The following DNAH14 variants were observed in gnomAD, a reference collection of about 807,000 sequenced individuals.
DNAH14 encodes the protein axonemal beta dynein heavy chain 14.
In DNAH14, 478 loss-of-function variants were observed where a neutral mutation model predicts 520.9. The observed-to-expected ratio is 0.92, with a 90% CI of 0.85 to 0.99. DNAH14 has a LOEUF of 0.99. Among genes scored for constraint, DNAH14 ranks in the 50% least tolerant of loss-of-function variants. The pLI is 0.00. For missense variants in DNAH14, 4,831 were observed against 5,234.5 expected, an observed-to-expected ratio of 0.92 and a Z score of 2.38; for synonymous variants, 1,581 against 1,757.2, an observed-to-expected ratio of 0.90 and a Z score of 2.51.
Position 225,155,179 on chromosome 1 carries a change from G to A in DNAH14, c.5273+1353G>A, listed in dbSNP as rs368946845. On this transcript the variant is annotated intron_variant, in intron 34 of 85. Coordinates refer to ENST00000682510, the MANE Select transcript of DNAH14 (RefSeq NM_001367479.1). ...AGACATGCTTTTTCCTTTCTGGGTA[G>A]AAAGGAACAAGATATACCTTTTCAT... is the stretch of plus-strand genomic sequence containing the variant. Among the ~76,000 whole-genome samples the A allele has an allele frequency of 1.1e-3, 167 of 152,124 alleles. No individual in the cohort carries two copies. In the Middle Eastern group the frequency reaches 0.024, roughly 22 times the overall value.
In DNAH14 at chr1:225,176,283, C is replaced by T. The variant is rs555676893; in HGVS notation, c.5535+8255C>T. Among the ~76,000 whole-genome samples the T allele has an allele frequency of 3.2e-3, 484 of 152,072 alleles. 3 individuals carry two copies. The highest frequency in any genetic ancestry group is 0.011 in the African/African-American group (441 of 41,482). ...TCCAAAGTTCCTTCTGTTACTGATACTTAGTTTTATTTCATTGTTCTCAGA... is the reference window on the plus strand; with the variant it reads ...TCCAAAGTTCCTTCTGTTACTGATATTTAGTTTTATTTCATTGTTCTCAGA... On this transcript the variant is annotated intron_variant, in intron 36 of 85. Transcript: ENST00000682510.
chr1:225,371,876 T>C (rs917950275), intron 77 of DNAH14, among the ~76,000 whole-genome samples: 2 of 152,282 alleles, frequency 1.3e-5, no homozygotes, highest in East Asian at 3.9e-4. Context: ...AAATAAAGAA[T>C]AGCATAAATT....
chr1:225,108,098 G>C (rs1558983868), intron 23 of DNAH14, among the ~76,000 whole-genome samples: 1 of 152,176 alleles, frequency 6.6e-6, no homozygotes, highest in African/African-American at 2.4e-5. Context: ...AGTGCTGCTA[G>C]GATAAAAACT....
At chr1:225,064,218 A>G (rs995113786) in intron 17 of DNAH14, among the ~76,000 whole-genome samples, 7 of 152,078 alleles carry the variant, frequency 4.6e-5, no homozygotes, top group Non-Finnish European at 7.4e-5. Context: ...TAAAACTCCA[A>G]TGACAATTCA....
chr1:225,358,248 A>G (rs1208544285), intron 73 of DNAH14, among the ~76,000 whole-genome samples: 2 of 152,166 alleles, frequency 1.3e-5, no homozygotes, highest in African/African-American at 2.4e-5. Flanking sequence ...GCAAGAGCTC[A>G]CTCAGAGTGT....
chr1:225,073,841 C>T (rs942292415), intron 17 of DNAH14, among the ~76,000 whole-genome samples: 4 of 151,098 alleles, frequency 2.6e-5, no homozygotes, highest in Admixed American at 2.0e-4. Context: ...TGCCACCATG[C>T]CCAACTGATT....
At chr1:225,312,421 T>C (rs1159866660) in intron 60 of DNAH14, among the ~76,000 whole-genome samples, 2 of 152,174 alleles carry the variant, frequency 1.3e-5, no homozygotes, top group Non-Finnish European at 2.9e-5. Context: ...CTCTTCCTAT[T>C]TGAATACAAT....
Position 225,147,088 on chromosome 1 carries a change from T to C in DNAH14, c.4795-16T>C. Reference sequence around the variant, plus strand: ...TATAATAATTTTAGTAATCAATCTCTTTTTTTTTTTAAAAGATAGTGAGAA... The same window carrying C: ...TATAATAATTTTAGTAATCAATCTCCTTTTTTTTTTAAAAGATAGTGAGAA... On this transcript the variant is annotated splice_polypyrimidine_tract_variant and intron_variant, in intron 30 of 85. Transcript: ENST00000682510. 4 of 921,394 alleles carry C rather than the reference T, an allele frequency of 4.3e-6. No individual in the cohort carries two copies. The highest frequency in any genetic ancestry group is 3.0e-6 in the Non-Finnish European group (2 of 672,872). The allele number at this position is 921,394 out of a possible 1,614,324, so 57.1% of individuals were successfully genotyped here.
chr1:225,050,693 G>A (rs10495231), intron 16 of DNAH14, among the ~76,000 whole-genome samples: 6,601 of 152,204 alleles, frequency 0.043, 422 homozygotes, highest in African/African-American at 0.14. Flanking sequence ...ATTTACAAGA[G>A]AATCTAATTG....
intron 62 of DNAH14, among the ~76,000 whole-genome samples, 158 bp downstream of exon 62, chr1:225,322,981 T>C (rs1006695905): frequency 1.3e-5 from 2 of 152,070 alleles, no homozygotes; most frequent in African/African-American, 4.8e-5. Context: ...CCTAGTTGGA[T>C]AGGGAAAAGA....
chr1:225,162,075 T>G (rs1031088006), intron 35 of DNAH14, among the ~76,000 whole-genome samples: 1 of 152,156 alleles, frequency 6.6e-6, no homozygotes, highest in Non-Finnish European at 1.5e-5. Flanking sequence ...TCAAGAAATT[T>G]TTGCCCAGAC....
At chr1:225,194,077 G>A (rs1433104702) in intron 38 of DNAH14, among the ~76,000 whole-genome samples, 1 of 152,102 alleles carries the variant, frequency 6.6e-6, no homozygotes, top group African/African-American at 2.4e-5. Context: ...AACATTCCAT[G>A]GTCATGGATT....
intron 42 of DNAH14, among the ~76,000 whole-genome samples, chr1:225,239,454 G>A (rs575362638): frequency 1.2e-4 from 18 of 152,236 alleles, no homozygotes; most frequent in African/African-American, 2.6e-4. Flanking sequence ...TGTGCCACTC[G>A]CAGGTGGACC....
intron 42 of DNAH14, among the ~76,000 whole-genome samples, chr1:225,235,369 C>A (rs887231986): frequency 1.3e-5 from 2 of 152,156 alleles, no homozygotes; most frequent in African/African-American, 2.4e-5. Context: ...TTTGAACCAA[C>A]CTTACATCCC....
Position 225,168,014 on chromosome 1 carries a change from T to C in DNAH14, c.5521T>C (p.Tyr1841His), listed in dbSNP as rs78614986. 1,351 of 1,527,062 alleles carry C rather than the reference T, an allele frequency of 8.8e-4. 8 individuals carry two copies. The African/African-American group carries it at 0.017, about 19-fold the overall frequency. 94.6% of individuals were successfully genotyped at this position (1,527,062 alleles called of 1,614,324 possible). The change falls in exon 36 of 86, where the codon TAT becomes CAT. Residue 1841 changes from tyrosine (Y) to histidine (H), a missense_variant. Tyr to His is a moderately conservative substitution (Grantham distance 83). Coordinates refer to ENST00000682510, the MANE Select transcript of DNAH14 (RefSeq NM_001367479.1). ...TCAGAAAGAGAAGATTATACAGTTT[T>C]ATAATCAACTTCAGGTAAGTATAAA... Reference protein sequence around the residue: ...SSQKEKIIQFYNQLQVCVGVM... With the variant: ...SSQKEKIIQFHNQLQVCVGVM...
At chr1:225,096,941 T>G (rs1315439058) in intron 21 of DNAH14, among the ~76,000 whole-genome samples, 177 bp from the exon 22 acceptor site, 2 of 152,164 alleles carry the variant, frequency 1.3e-5, no homozygotes, top group African/African-American at 4.8e-5. Flanking sequence ...CAGGACATCT[T>G]AAACCTCTCC....
chr1:225,349,368 C>T (rs962618222), intron 71 of DNAH14, among the ~76,000 whole-genome samples: 2 of 151,374 alleles, frequency 1.3e-5, no homozygotes, highest in East Asian at 1.9e-4. Flanking sequence ...AATAAAATAC[C>T]GAAAAAGGCA....
At chr1:225,304,108 A>T (rs935176990) in intron 57 of DNAH14, among the ~76,000 whole-genome samples, 1 of 152,186 alleles carries the variant, frequency 6.6e-6, no homozygotes, top group African/African-American at 2.4e-5. Flanking sequence ...TCTAAATCAG[A>T]ATTATCTCCC....
intron 15 of DNAH14, among the ~76,000 whole-genome samples, chr1:225,047,714 A>G (rs1259061225): frequency 6.6e-6 from 1 of 152,234 alleles, no homozygotes; most frequent in African/African-American, 2.4e-5. Context: ...AAACAAATGT[A>G]TCAACTAAAA....
Sources: allele counts gnomAD v4.1 joint callset (sites outside exome capture counted in the v4.1 genomes callset), GRCh38; gene constraint gnomAD v4.1.1; transcripts MANE v1.5; gene names NCBI Gene and HGNC (gene_info 2026-07-23, HGNC 2026-07-21).